RIT2: variants seen among roughly 807,000 people sequenced by gnomAD.
RIT2 encodes Ras like without CAAX 2.
In RIT2, 24 loss-of-function variants were observed where a neutral mutation model predicts 23.7. That is an observed-to-expected ratio of 1.01 (90% confidence interval 0.73 to 1.43). RIT2 has a LOEUF of 1.43. Ranked by LOEUF, RIT2 falls within the 40% of genes most tolerant of loss-of-function variation. The pLI, the probability that RIT2 is intolerant of heterozygous loss-of-function variation, is 0.00. For synonymous variants in RIT2, 107 were observed against 91.1 expected, an observed-to-expected ratio of 1.17 and a Z score of -0.99; for missense variants, 236 against 266.9, an observed-to-expected ratio of 0.88 and a Z score of 0.81.
At chr18:42,906,016 ATATATG>A (rs1908609871) in intron 4 of RIT2, among the ~76,000 whole-genome samples, 14 of 131,308 alleles carry the variant, frequency 1.1e-4, no homozygotes, top group African/African-American at 4.4e-4. Flanking sequence ...ACATATATAT[ATATATG>A]TATATATATA....
intron 2 of RIT2, among the ~76,000 whole-genome samples, chr18:42,996,161 A>G (rs1910978859): frequency 6.6e-6 from 1 of 152,102 alleles, no homozygotes; most frequent in Admixed American, 6.5e-5. Flanking sequence ...GCCATCATCA[A>G]TAATTCTAAA....
chr18:43,032,732 G>A (rs968989686), intron 2 of RIT2, among the ~76,000 whole-genome samples: 1 of 152,006 alleles, frequency 6.6e-6, no homozygotes, highest in Non-Finnish European at 1.5e-5. Context: ...CAACTGATGA[G>A]GTGGTCTTAA....
At chr18:42,904,304 C>G (rs1908554641) in intron 4 of RIT2, among the ~76,000 whole-genome samples, 2 of 152,084 alleles carry the variant, frequency 1.3e-5, no homozygotes, top group Non-Finnish European at 2.9e-5. Flanking sequence ...AAGCAAAACC[C>G]TTTTCAGCAG....
At chr18:42,843,589 C>T (rs976573267) in intron 4 of RIT2, among the ~76,000 whole-genome samples, 3 of 152,160 alleles carry the variant, frequency 2.0e-5, no homozygotes, top group Non-Finnish European at 2.9e-5. Context: ...TCCAGAACTC[C>T]GGATTCAAAG....
chr18:42,888,605 C>T (rs377018994), intron 4 of RIT2, among the ~76,000 whole-genome samples: 3 of 151,512 alleles, frequency 2.0e-5, no homozygotes, highest in African/African-American at 4.9e-5. Flanking sequence ...AAGACACATG[C>T]ACTCATATAT....
intron 4 of RIT2, among the ~76,000 whole-genome samples, chr18:42,762,779 G>T (rs943951323): frequency 2.6e-5 from 4 of 152,146 alleles, no homozygotes; most frequent in African/African-American, 4.8e-5. Context: ...AGGAACATTG[G>T]ATTAGCAACA....
At chr18:43,083,869 C>T (rs542898722) in intron 1 of RIT2, among the ~76,000 whole-genome samples, 15 of 152,168 alleles carry the variant, frequency 9.9e-5, no homozygotes, top group Admixed American at 3.3e-4. Flanking sequence ...GCAACACAAG[C>T]CAAAATTGAC....
At chr18:42,763,108 T>C (rs1913339638) in intron 4 of RIT2, among the ~76,000 whole-genome samples, 2 of 152,114 alleles carry the variant, frequency 1.3e-5, no homozygotes, top group African/African-American at 4.8e-5. Context: ...TGTAGCACAA[T>C]AGTAAGTATT....
intron 4 of RIT2, among the ~76,000 whole-genome samples, chr18:42,800,974 C>T (rs978064473): frequency 6.6e-6 from 1 of 152,084 alleles, no homozygotes; most frequent in Non-Finnish European, 1.5e-5. Context: ...GTTTTGTCTT[C>T]TCCCGTAGGT....
chr18:43,080,022 A>G (rs570788927), intron 1 of RIT2, among the ~76,000 whole-genome samples: 2 of 152,322 alleles, frequency 1.3e-5, no homozygotes, highest in South Asian at 4.1e-4. Context: ...TTGTATTCAA[A>G]AAGTAATTAA....
chr18:42,771,482 G>A (rs1379926627), intron 4 of RIT2, among the ~76,000 whole-genome samples: 1 of 152,048 alleles, frequency 6.6e-6, no homozygotes, highest in African/African-American at 2.4e-5. Flanking sequence ...AAATCCTATG[G>A]AGCATTAGGC....
Position 43,105,473 on chromosome 18 carries a change from A to G in RIT2, c.103+9944T>C, listed in dbSNP as rs138216277. Among the ~76,000 whole-genome samples the G allele has an allele frequency of 7.1e-3, 888 of 124,252 alleles. 2 individuals are homozygous for G. The highest frequency in any genetic ancestry group is 0.018 in the South Asian group (53 of 2,980). 81.5% of individuals were successfully genotyped at this position (124,252 alleles called of 152,430 possible). On this transcript the variant is annotated intron_variant, in intron 1 of 4. Transcript: ENST00000326695. ...AAAAGGAAGGGAGGAAGGGAGGAAG[A>G]GAGGAAGGGAGGAAGGGAGGAAGAA...
chr18:42,827,203 T>C (rs1377453457), intron 4 of RIT2, among the ~76,000 whole-genome samples: 1 of 152,196 alleles, frequency 6.6e-6, no homozygotes, highest in Non-Finnish European at 1.5e-5. Context: ...AGCATAAGAC[T>C]GTGTTATATT....
At chr18:42,986,538 G>C (rs1910714293) in intron 2 of RIT2, among the ~76,000 whole-genome samples, 1 of 151,224 alleles carries the variant, frequency 6.6e-6, no homozygotes, top group Non-Finnish European at 1.5e-5. Context: ...GTCTTGCTTT[G>C]TCACCCAGGC....
At chr18:42,945,176 C>T (rs1042858981) in intron 3 of RIT2, among the ~76,000 whole-genome samples, 19 of 151,942 alleles carry the variant, frequency 1.3e-4, no homozygotes, top group African/African-American at 4.3e-4. Flanking sequence ...TTATTTTCAT[C>T]TGATAACTTT....
intron 4 of RIT2, among the ~76,000 whole-genome samples, chr18:42,765,489 A>G (rs1913399239): frequency 6.6e-6 from 1 of 152,158 alleles, no homozygotes; most frequent in African/African-American, 2.4e-5. Context: ...AAACTCCGAC[A>G]GCCTGGGGAG....
At position 43,005,081 on chromosome 18, in the gene RIT2, T is replaced by C. The variant is rs898852787; in HGVS notation, c.160+28730A>G. 4.6e-5 allele frequency among the ~76,000 whole-genome samples: 7 copies of C among 151,808 alleles called. 1 individual carries two copies. The East Asian group carries it at 9.7e-4, about 21-fold the overall frequency. On this transcript the variant is annotated intron_variant, in intron 2 of 4. Transcript: ENST00000326695. ...AAAGAAAAAGTTATAGACTTGGAGA[T>C]TATGACATATAATTTTTAAATTATA...
chr18:42,803,974 G>A (rs142016052), intron 4 of RIT2, among the ~76,000 whole-genome samples: 72 of 152,228 alleles, frequency 4.7e-4, no homozygotes, highest in Middle Eastern at 3.4e-3. Context: ...TGTTAACATC[G>A]TAATTTTAGT....
intron 3 of RIT2, among the ~76,000 whole-genome samples, chr18:42,951,773 G>A (rs1909857188): frequency 6.6e-6 from 1 of 151,960 alleles, no homozygotes; most frequent in South Asian, 2.1e-4. Context: ...GTCCATTCAT[G>A]GAATAATGCA....
Sources: allele counts gnomAD v4.1 joint callset (sites outside exome capture counted in the v4.1 genomes callset), GRCh38; gene constraint gnomAD v4.1.1; transcripts MANE v1.5; gene names NCBI Gene and HGNC (gene_info 2026-07-23, HGNC 2026-07-21).